Variants in GSK3B observed in about 807,000 individuals in gnomAD.
GSK3B encodes glycogen synthase kinase 3 beta.
GSK3B carries 15 observed loss-of-function variants against 56.4 expected under a neutral mutation model. The observed-to-expected ratio is 0.27, with a 90% CI of 0.18 to 0.41. The LOEUF (loss-of-function observed/expected upper bound fraction) is 0.41. GSK3B is among the 10% of genes least tolerant of loss of function. The pLI, the probability that GSK3B is intolerant of heterozygous loss-of-function variation, is 1.00. For missense variants in GSK3B, 300 were observed against 513.4 expected (o/e 0.58, Z 4.02); for synonymous variants, 181 against 188.9 (o/e 0.96, Z 0.34).
chr3:120,027,116 T>C (rs938228228), intron 1 of GSK3B, among the ~76,000 whole-genome samples: 2 of 150,112 alleles, frequency 1.3e-5, no homozygotes, highest in African/African-American at 2.4e-5. Context: ...GGCTCACGCC[T>C]GTGATCCCAG....
At chr3:119,917,123 TC>T (rs2056788872) in intron 4 of GSK3B, among the ~76,000 whole-genome samples, 1 of 151,932 alleles carries the variant, frequency 6.6e-6, no homozygotes, top group African/African-American at 2.4e-5. Context: ...ATAATAAATA[TC>T]TTGGTAAAAA....
intron 1 of GSK3B, among the ~76,000 whole-genome samples, chr3:120,091,710 A>C (rs907918206): frequency 8.5e-5 from 13 of 152,190 alleles, no homozygotes; most frequent in African/African-American, 2.9e-4. Flanking sequence ...CGGAATTTTA[A>C]AATATTTTTC....
At chr3:119,960,805 A>G (rs996935953) in intron 2 of GSK3B, among the ~76,000 whole-genome samples, 1 of 152,178 alleles carries the variant, frequency 6.6e-6, no homozygotes, top group African/African-American at 2.4e-5. Flanking sequence ...TTGCATATTT[A>G]TTCATTATTG....
At chr3:119,900,934 C>T (rs753427892) in intron 7 of GSK3B, among the ~76,000 whole-genome samples, 1 of 152,008 alleles carries the variant, frequency 6.6e-6, no homozygotes, top group Non-Finnish European at 1.5e-5. Flanking sequence ...TTTGTCTGTG[C>T]TTTCTCAGTC....
chr3:120,068,765 A>G (rs547256364), intron 1 of GSK3B, among the ~76,000 whole-genome samples: 2 of 152,014 alleles, frequency 1.3e-5, no homozygotes, highest in East Asian at 3.9e-4. Flanking sequence ...CGGTATAGAA[A>G]AAGTATGATT....
chr3:120,047,992 A>G (rs913034934), intron 1 of GSK3B, among the ~76,000 whole-genome samples: 1 of 152,214 alleles, frequency 6.6e-6, no homozygotes, highest in Non-Finnish European at 1.5e-5. Context: ...TCCAGCTCTA[A>G]TGATGATTTC....
intron 1 of GSK3B, among the ~76,000 whole-genome samples, chr3:120,068,126 C>T (rs10934508): frequency 0.23 from 35,388 of 152,046 alleles, 5,136 homozygotes; most frequent in Non-Finnish European, 0.32. Flanking sequence ...GGCGCGGTGG[C>T]TCATGCCTGT....
chr3:119,873,975 T>A (rs1480789495), intron 8 of GSK3B, among the ~76,000 whole-genome samples: 1 of 152,152 alleles, frequency 6.6e-6, no homozygotes, highest in East Asian at 1.9e-4. Flanking sequence ...GAAACCTAAA[T>A]AAATGTGCTT....
Position 120,007,289 on chromosome 3 carries a change from G to C in GSK3B, c.89-5050C>G, listed in dbSNP as rs186740821. On this transcript the variant is annotated intron_variant, in intron 1 of 10. Coordinates refer to ENST00000264235, the MANE Select transcript of GSK3B (RefSeq NM_001146156.2). ...ATTAATAGCCTACCAACCAAAAAAA[G>C]TCCAGGACCAGACAAATTCACAGCC... Among the ~76,000 whole-genome samples the C allele has an allele frequency of 5.1e-4, 77 of 152,226 alleles. 1 individual carries two copies. Among genetic ancestry groups the C allele is most frequent in the Admixed American group, 9.8e-4 (15 of 15,292 alleles).
chr3:119,883,772 A>G (rs2056404497), intron 7 of GSK3B, among the ~76,000 whole-genome samples: 1 of 152,166 alleles, frequency 6.6e-6, no homozygotes, highest in Non-Finnish European at 1.5e-5. Context: ...TATCAGTGGT[A>G]AACAAATTTT....
At chr3:120,001,230 G>C (rs545265038) in intron 2 of GSK3B, among the ~76,000 whole-genome samples, 2 of 152,064 alleles carry the variant, frequency 1.3e-5, no homozygotes, top group Non-Finnish European at 2.9e-5. Context: ...CAGGAGATCT[G>C]GTTATTTAAG....
chr3:119,994,038 T>C (rs919011670), intron 2 of GSK3B, among the ~76,000 whole-genome samples: 3 of 152,080 alleles, frequency 2.0e-5, no homozygotes, highest in Admixed American at 2.0e-4. Flanking sequence ...TTTTTTTCTA[T>C]TTTTTAGTAG....
At chr3:120,011,980 C>T (rs981655780) in intron 1 of GSK3B, among the ~76,000 whole-genome samples, 1 of 151,978 alleles carries the variant, frequency 6.6e-6, no homozygotes, top group East Asian at 1.9e-4. Context: ...CTCCATTTCC[C>T]CTTAAAAAAA....
chr3:120,077,071 T>C (rs189394161), intron 1 of GSK3B, among the ~76,000 whole-genome samples: 50 of 152,228 alleles, frequency 3.3e-4, no homozygotes, highest in Non-Finnish European at 6.2e-4. Context: ...ACACTGTTGG[T>C]GAGAATGCAG....
intron 10 of GSK3B, among the ~76,000 whole-genome samples, chr3:119,838,312 T>C (rs1363435586): frequency 6.6e-6 from 1 of 151,978 alleles, no homozygotes; most frequent in Non-Finnish European, 1.5e-5. Flanking sequence ...AATTATACTT[T>C]AGGAATTGAT....
chr3:119,998,450 C>T (rs1469076411), intron 2 of GSK3B, among the ~76,000 whole-genome samples: 2 of 152,208 alleles, frequency 1.3e-5, no homozygotes, highest in Non-Finnish European at 2.9e-5. Context: ...CCAGCTGATG[C>T]CTGGATTCAG....
chr3:120,032,644 T>A (rs979969960), intron 1 of GSK3B, among the ~76,000 whole-genome samples: 1 of 152,028 alleles, frequency 6.6e-6, no homozygotes, highest in Non-Finnish European at 1.5e-5. Flanking sequence ...TGAAACCCCT[T>A]CTCTAAAAAA....
chr3:119,877,042 A>G (rs1278079892), intron 7 of GSK3B, among the ~76,000 whole-genome samples: 1 of 152,202 alleles, frequency 6.6e-6, no homozygotes, highest in African/African-American at 2.4e-5. Flanking sequence ...AAACTTTGTG[A>G]AAGCCTTTTA....
intron 2 of GSK3B, among the ~76,000 whole-genome samples, chr3:119,962,521 A>G (rs2057282180): frequency 6.6e-6 from 1 of 152,224 alleles, no homozygotes; most frequent in Non-Finnish European, 1.5e-5. Flanking sequence ...TCAACATAGT[A>G]CTGTAAGTCC....
Sources: allele counts gnomAD v4.1 joint callset (sites outside exome capture counted in the v4.1 genomes callset), GRCh38; gene constraint gnomAD v4.1.1; transcripts MANE v1.5; gene names NCBI Gene and HGNC (gene_info 2026-07-23, HGNC 2026-07-21).